The following POR variants were observed in gnomAD, a reference collection of about 807,000 sequenced individuals.
POR encodes NADPH--cytochrome P450 reductase.
A neutral mutation model predicts 84.0 loss-of-function variants in POR; 56 were observed. The observed-to-expected ratio is 0.67, with a 90% CI of 0.54 to 0.83. The LOEUF (loss-of-function observed/expected upper bound fraction) is 0.83, where lower values mean the gene tolerates loss of function less well. Ranked by LOEUF, POR falls within the 40% of genes least tolerant of loss-of-function variation. The pLI is 0.00. For synonymous variants in POR, 414 were observed against 400.5 expected (o/e 1.03, Z -0.40); for missense variants, 938 against 944.3 (o/e 0.99, Z 0.09).
chr7:75,934,590 C>T (rs142757957), intron 1 of POR, among the ~76,000 whole-genome samples: 11 of 152,274 alleles, frequency 7.2e-5, no homozygotes, highest in Admixed American at 3.9e-4. Flanking sequence ...AAAAAAAGGC[C>T]TTGAAGGCAT....
rs1554557929 is a variant in POR at position 75,981,504 on chromosome 7, C to G, written c.642-13C>G. On this transcript the variant is annotated splice_polypyrimidine_tract_variant and intron_variant, in intron 6 of 15. Transcript: ENST00000461988. ...TCCCCTGAGCCGCTCCCCCTCTCCT[C>G]TCCTCGGCCCAGCTTGGAGGAGGAC... 6.2e-7 allele frequency: 1 copy of G among 1,608,504 alleles called. No individual in the cohort carries two copies. Among genetic ancestry groups the G allele is most frequent in the Admixed American group, 1.7e-5 (1 of 59,272 alleles).
intron 1 of POR, among the ~76,000 whole-genome samples, chr7:75,936,666 A>C (rs910664720): frequency 7.9e-5 from 12 of 151,814 alleles, no homozygotes; most frequent in African/African-American, 2.9e-4. Context: ...GTGTGTGGGC[A>C]GGGGGTTGGG....
chr7:75,972,385 A>C, intron 2 of POR, 28 bp from the exon 3 acceptor site: 1 of 1,602,108 alleles, frequency 6.2e-7, no homozygotes, highest in Non-Finnish European at 8.5e-7. Context: ...CCTGCCTCCC[A>C]CGCTCATTGC....
chr7:75,967,220 C>T (rs933668093), intron 2 of POR, among the ~76,000 whole-genome samples: 1 of 152,174 alleles, frequency 6.6e-6, no homozygotes, highest in Non-Finnish European at 1.5e-5. Context: ...ATGGCGTCCA[C>T]CCACCTCGGC....
At chr7:75,971,768 G>T (rs541935043) in intron 2 of POR, among the ~76,000 whole-genome samples, 1 of 152,204 alleles carries the variant, frequency 6.6e-6, no homozygotes, top group African/African-American at 2.4e-5. Context: ...CCAGGTGAGG[G>T]GACTGTGGCA....
chr7:75,955,663 C>T (rs1787655293), intron 2 of POR, among the ~76,000 whole-genome samples: 1 of 152,174 alleles, frequency 6.6e-6, no homozygotes, highest in South Asian at 2.1e-4. Context: ...GACCAGAACC[C>T]CTTTCATTCT....
chr7:75,973,957 C>T (rs1554556529), intron 3 of POR, among the ~76,000 whole-genome samples: 2 of 151,740 alleles, frequency 1.3e-5, no homozygotes, highest in African/African-American at 4.8e-5. Context: ...GGATTACAGG[C>T]GTGAGCCACT....
chr7:75,934,625 T>A (rs1242392431), intron 1 of POR, among the ~76,000 whole-genome samples: 1 of 152,118 alleles, frequency 6.6e-6, no homozygotes, highest in Non-Finnish European at 1.5e-5. Context: ...CGGCAGCCCC[T>A]CCCATTACAG....
At chr7:75,969,371 C>T (rs1554555811) in intron 2 of POR, among the ~76,000 whole-genome samples, 1 of 152,192 alleles carries the variant, frequency 6.6e-6, no homozygotes, top group East Asian at 1.9e-4. Flanking sequence ...GCCAGGTCCG[C>T]CCTGCCACGT....
At chr7:75,947,600 G>A (rs1173738184) in intron 1 of POR, among the ~76,000 whole-genome samples, 2 of 152,244 alleles carry the variant, frequency 1.3e-5, no homozygotes, top group South Asian at 2.1e-4. Flanking sequence ...CGGCCCCAAT[G>A]TGTGTTTTAA....
At chr7:75,981,277 G>A in intron 6 of POR, 105 bp downstream of exon 6, 2 of 1,427,376 alleles carry the variant, frequency 1.4e-6, no homozygotes, top group Non-Finnish European at 1.8e-6. Context: ...TCAGCGACAC[G>A]CACCTCCAAC....
At chr7:75,943,877 G>A (rs377012607) in intron 1 of POR, 6 of 507,390 alleles carry the variant, frequency 1.2e-5, no homozygotes, top group Admixed American at 2.1e-5. Flanking sequence ...AGGGCTGCGC[G>A]TCTCCTGTGG....
intron 2 of POR, among the ~76,000 whole-genome samples, chr7:75,958,665 C>T (rs376998880): frequency 7.9e-5 from 12 of 152,022 alleles, no homozygotes; most frequent in Admixed American, 7.2e-4. Context: ...AGGCCTCCTA[C>T]GATAGTGTTA....
chr7:75,924,821 TTA>T (rs1554549273), intron 1 of POR, among the ~76,000 whole-genome samples: 1 of 152,162 alleles, frequency 6.6e-6, no homozygotes, highest in South Asian at 2.1e-4. Flanking sequence ...CGCTGGGTGT[TTA>T]TGTCTCATGT....
intron 1 of POR, among the ~76,000 whole-genome samples, chr7:75,933,377 T>TG (rs1807512193): frequency 1.8e-5 from 1 of 55,322 alleles, no homozygotes; most frequent in East Asian, 4.4e-4. Context: ...TAGGTCTTTG[T>TG]TTTTTTTTTT....
At chr7:75,937,471 C>CAAA (rs782343328) in intron 1 of POR, among the ~76,000 whole-genome samples, 33 of 20,134 alleles carry the variant, frequency 1.6e-3, no homozygotes, top group South Asian at 6.0e-3. Context: ...GACCCTGTCT[C>CAAA]AAAAAAAAAA....
intron 2 of POR, among the ~76,000 whole-genome samples, chr7:75,964,415 C>G (rs964934483): frequency 3.9e-5 from 6 of 152,192 alleles, no homozygotes; most frequent in Non-Finnish European, 2.9e-5. Context: ...TCAGGCGATT[C>G]TCCTGCTTCA....
chr7:75,932,922 G>A (rs1436613500), intron 1 of POR, among the ~76,000 whole-genome samples: 1 of 151,820 alleles, frequency 6.6e-6, no homozygotes, highest in Admixed American at 6.6e-5. Context: ...AGAGGCCGAG[G>A]CAGGAAAATC....
intron 2 of POR, among the ~76,000 whole-genome samples, chr7:75,970,134 G>C (rs1005159364): frequency 3.3e-5 from 5 of 152,068 alleles, no homozygotes; most frequent in African/African-American, 1.2e-4. Context: ...GGGCCACTGC[G>C]GGAGGGGTGT....
Sources: gnomAD v4.1 joint callset for allele counts (sites outside exome capture counted in the v4.1 genomes callset) on GRCh38, gnomAD v4.1.1 for gene constraint, MANE v1.5 for transcripts, NCBI Gene and HGNC (gene_info 2026-07-23, HGNC 2026-07-21) for gene names.